PURG: variants seen among roughly 807,000 people sequenced by gnomAD.
The protein encoded by PURG is purine-rich element-binding protein gamma.
PURG carries 3 observed loss-of-function variants against 24.3 expected under a neutral mutation model. The observed-to-expected ratio is 0.12, with a 90% confidence interval of 0.06 to 0.32. The LOEUF is 0.32. Among genes scored for constraint, PURG ranks in the 10% least tolerant of loss-of-function variants. The pLI, the probability that PURG is intolerant of heterozygous loss-of-function variation, is 1.00. For synonymous variants in PURG, 180 were observed against 173.1 expected (o/e 1.04, Z -0.31); for missense variants, 371 against 439.1 (o/e 0.84, Z 1.39).
At chr8:30,997,612 A>AT (rs1554511042) in intron 1 of PURG, among the ~76,000 whole-genome samples, 1 of 151,720 alleles carries the variant, frequency 6.6e-6, no homozygotes, top group Non-Finnish European at 1.5e-5. Context: ...TGACTTAAAG[A>AT]TAAGTAAACT....
intron 1 of PURG, among the ~76,000 whole-genome samples, chr8:31,019,841 A>G (rs190017887): frequency 6.6e-6 from 1 of 150,974 alleles, no homozygotes; most frequent in Non-Finnish European, 1.5e-5. Context: ...CAATATCTCT[A>G]ATTTTAAAGC....
At position 31,032,219 on chromosome 8, in the gene PURG, C is replaced by T. The variant is rs1489000278; in HGVS notation, c.564G>A (p.Lys188=). 4 of 1,614,190 alleles carry T rather than the reference C, an allele frequency of 2.5e-6. No homozygotes were observed. The highest frequency in any genetic ancestry group is 3.4e-6 in the Non-Finnish European group (4 of 1,180,010). Residue 188 remains lysine, a synonymous_variant, in exon 2 of 2, where the codon AAG becomes AAA. Transcript: ENST00000523392. This position sits in a 1 kb window ranked among gnomAD's most constrained non-coding sequence, Gnocchi z 5.9. ...GTAGGAAGCGACCCCGCTGATTTTC[C>T]TTTAGGTCTAGGTAATATTTCCTAT... ...RDNRKYYLDL[K]ENQRGRFLRI... is the part of the protein sequence containing the mutation.
chr8:31,022,131 T>C (rs1053217922), intron 1 of PURG, among the ~76,000 whole-genome samples: 1 of 152,066 alleles, frequency 6.6e-6, no homozygotes, highest in African/African-American at 2.4e-5. Flanking sequence ...CCACCATGCC[T>C]GGCTAATTTT....
chr8:31,032,647 C>G lies in PURG; in HGVS notation c.136G>C (p.Ala46Pro). 1 of 1,581,020 alleles carries G rather than the reference C, an allele frequency of 6.3e-7. No individual in the cohort carries two copies. Among genetic ancestry groups the G allele is most frequent in the Non-Finnish European group, 8.6e-7 (1 of 1,162,004 alleles). Residue 46 changes from alanine (A) to proline (P), a missense_variant, in exon 2 of 2, where the codon GCC becomes CCC. Ala to Pro is a conservative substitution (Grantham distance 27). This residue lies in a region of PURG where 213 missense variants were observed against 230.6 expected (regional missense o/e 0.92). Coordinates refer to ENST00000523392, the MANE Select transcript of PURG (RefSeq NM_001323311.2). The surrounding 1 kb of genome is among the most constrained non-coding windows in gnomAD (Gnocchi z 5.9). ...HSHYPHYAASATPNQAGGAAE... is the reference protein window; with the variant it reads ...HSHYPHYAASPTPNQAGGAAE... ...GCGCCCCCGGCCTGATTAGGGGTGG[C>G]TGAGGCCGCGTAGTGGGGGTAGTGG...
At chr8:31,009,894 G>GA (rs938061669) in intron 1 of PURG, among the ~76,000 whole-genome samples, 1 of 152,044 alleles carries the variant, frequency 6.6e-6, no homozygotes, top group Non-Finnish European at 1.5e-5. Context: ...CATGTAGAGG[G>GA]AAAACCAGTC....
At position 31,032,519 on chromosome 8, in the gene PURG, G is replaced by T; in HGVS notation, c.264C>A (p.Ala88=). 1 of 1,614,186 alleles carries T rather than the reference G, an allele frequency of 6.2e-7. No homozygotes were observed. Among genetic ancestry groups the T allele is most frequent in the Admixed American group, 1.7e-5 (1 of 60,030 alleles). The part of the protein sequence containing the change: ...QSSRGRFLKI[A]EVWIGRGRQD... ...GCCGGCCTCTCCCTATCCAGACTTCGGCTATCTTTAGGAAGCGGCCCCGGG... is the reference window on the plus strand; with the variant it reads ...GCCGGCCTCTCCCTATCCAGACTTCTGCTATCTTTAGGAAGCGGCCCCGGG... The change falls in exon 2 of 2, where the codon GCC becomes GCA. Residue 88 remains alanine, a synonymous_variant. Transcript: ENST00000523392. This position sits in a 1 kb window ranked among gnomAD's most constrained non-coding sequence, Gnocchi z 5.9.
downstream of PURG, among the ~76,000 whole-genome samples, chr8:31,028,418 A>G (rs1373530342): frequency 6.6e-6 from 1 of 151,860 alleles, no homozygotes; most frequent in African/African-American, 2.4e-5. Flanking sequence ...GCATAAATGT[A>G]CATCTTCTAT....
At chr8:30,998,400 A>G (rs974877945) in intron 1 of PURG, among the ~76,000 whole-genome samples, 1 of 151,806 alleles carries the variant, frequency 6.6e-6, no homozygotes, top group African/African-American at 2.4e-5. Flanking sequence ...TATTCTATAC[A>G]GACGAATAGC....
At position 31,031,975 on chromosome 8, in the gene PURG, C is replaced by T; in HGVS notation, c.808G>A (p.Asp270Asn). 4 of 1,614,158 alleles carry T rather than the reference C, an allele frequency of 2.5e-6. No homozygotes were observed. The change falls in exon 2 of 2, where the codon GAC (aspartate) becomes AAC (asparagine). Residue 270 changes from aspartate (D) to asparagine (N), a missense_variant. Around this residue, in one of 5 missense-constraint regions of PURG, gnomAD observed 103 missense variants for 127.7 expected, o/e 0.81. Transcript: ENST00000523392. ...ACATCAAAGTAGAACCTTTTATTGT[C>T]CACTCTGAAAGAAGTCCCCTCTGGG... is the stretch of plus-strand genomic sequence containing the variant. ...ELPEGTSFRV[D>N]NKRFYFDVGS... is the part of the protein sequence containing the mutation.
intron 1 of PURG, among the ~76,000 whole-genome samples, chr8:31,005,182 T>C (rs1055201491): frequency 1.3e-5 from 2 of 152,122 alleles, no homozygotes; most frequent in African/African-American, 2.4e-5. Flanking sequence ...CCCATAATCC[T>C]AGCACTTTGG....
At chr8:31,024,736 A>C (rs1169555432) in intron 1 of PURG, among the ~76,000 whole-genome samples, 1 of 152,154 alleles carries the variant, frequency 6.6e-6, no homozygotes. Context: ...TTCTGATAAA[A>C]GTAATCCTGA....
In PURG at chr8:31,031,806, T is replaced by A; in HGVS notation, c.977A>T (p.Asn326Ile). Residue 326 changes from asparagine (N) to isoleucine (I), a missense_variant, in exon 2 of 2, where the codon AAC (asparagine) becomes ATC (isoleucine). Physicochemically the swap from Asn to Ile is moderately radical, Grantham distance 149. This residue lies in a region of PURG where 103 missense variants were observed against 127.7 expected (regional missense o/e 0.81). Transcript: ENST00000523392. ...KYEEEMRKIC[N>I]SHKEKRMDGR... ...ATCCATTCTCTTTTCTTTATGGCTG[T>A]TGCAAATTTTCCTCATCTCTTCTTC... is the stretch of plus-strand genomic sequence containing the variant. 2 of 1,557,884 alleles carry A rather than the reference T, an allele frequency of 1.3e-6. No individual in the cohort carries two copies. The highest frequency in any genetic ancestry group is 1.9e-5 in the Admixed American group (1 of 51,480).
In PURG at chr8:31,032,063, A is replaced by C. The variant is rs763646588; in HGVS notation, c.720T>G (p.Ile240Met). 6.2e-7 allele frequency: 1 copy of C among 1,614,188 alleles called. No individual in the cohort carries two copies. The highest frequency in any genetic ancestry group is 1.1e-5 in the South Asian group (1 of 91,086). Residue 240 changes from isoleucine to methionine, a missense_variant, in exon 2 of 2, where the codon ATT (isoleucine) becomes ATG (methionine). Coordinates refer to ENST00000523392, the MANE Select transcript of PURG (RefSeq NM_001323311.2). The surrounding 1 kb of genome is among the most constrained non-coding windows in gnomAD (Gnocchi z 5.9). The part of the protein sequence containing the change: ...IEFRDALVQL[I>M]EDYGEGDIEE... ...CTATGTCTCCTTCGCCATAGTCTTC[A>C]ATCAGCTGAACCAAGGCATCACGAA...
chr8:31,032,297 C>T lies in PURG; in HGVS notation c.486G>A (p.Gly162=), dbSNP rs752841792. The change falls in exon 2 of 2, where the codon GGG becomes GGA. Residue 162 remains glycine, a synonymous_variant. Transcript: ENST00000523392. The surrounding 1 kb of genome is among the most constrained non-coding windows in gnomAD (Gnocchi z 5.9). ...HSAPSPPVSV[G]SEEHPHSVLK... ...GGACACTGTGAGGATGCTCTTCGGA[C>T]CCCACCGAGACTGGTGGGGAGGGTG... 1 of 1,612,768 alleles carries T rather than the reference C, an allele frequency of 6.2e-7. No homozygotes were observed. The highest frequency in any genetic ancestry group is 8.5e-7 in the Non-Finnish European group (1 of 1,179,998).
chr8:31,021,607 G>A (rs980563763), intron 1 of PURG, among the ~76,000 whole-genome samples: 1 of 152,154 alleles, frequency 6.6e-6, no homozygotes, highest in African/African-American at 2.4e-5. Context: ...GCGGCTGGGG[G>A]TAGACTGTGC....
intron 1 of PURG, among the ~76,000 whole-genome samples, chr8:30,998,075 A>T (rs1233980730): frequency 1.3e-5 from 2 of 151,892 alleles, no homozygotes; most frequent in Admixed American, 6.6e-5. Context: ...AAGACAAGGC[A>T]GTACCAATTA....
At chr8:31,022,136 A>G (rs1451428688) in intron 1 of PURG, among the ~76,000 whole-genome samples, 1 of 151,900 alleles carries the variant, frequency 6.6e-6, no homozygotes, top group Non-Finnish European at 1.5e-5. Flanking sequence ...ATGCCTGGCT[A>G]ATTTTGGTAT....
rs1178092428 is a variant in PURG, at chr8:31,032,889, C to T, written c.-6-101G>A. On this transcript the variant is annotated intron_variant, in intron 1 of 1. Transcript: ENST00000523392. This position sits in a 1 kb window ranked among gnomAD's most constrained non-coding sequence, Gnocchi z 5.9. ...GACCGCCCCGCCGCCGCCCGCGACC[C>T]CCACGCCGGGCCCGGCTCCCCCGGC... is the stretch of plus-strand genomic sequence containing the variant. The T allele has an allele frequency of 2.1e-5, 20 of 959,918 alleles. No individual in the cohort carries two copies. The highest frequency in any genetic ancestry group is 2.4e-5 in the Non-Finnish European group (18 of 746,858). 59.5% of individuals were successfully genotyped at this position (959,918 alleles called of 1,614,324 possible).
intron 1 of PURG, among the ~76,000 whole-genome samples, chr8:31,008,504 A>G (rs1416135038): frequency 6.6e-6 from 1 of 152,108 alleles, no homozygotes; most frequent in Non-Finnish European, 1.5e-5. Context: ...GGGTTTCACC[A>G]TGTTGGCCAG....
Sources: gnomAD v4.1 joint callset for allele counts (sites outside exome capture counted in the v4.1 genomes callset) on GRCh38, gnomAD v4.1.1 for gene constraint, gnomAD v4.1.1 regional missense constraint, Gnocchi (gnomAD v3.1) non-coding constraint, MANE v1.5 for transcripts, NCBI Gene and HGNC (gene_info 2026-07-23, HGNC 2026-07-21) for gene names.